The following FAP variants were observed in gnomAD, a reference collection of about 807,000 sequenced individuals.
The protein encoded by FAP is prolyl endopeptidase FAP.
FAP carries 110 observed loss-of-function variants against 126.5 expected under a neutral mutation model. The observed-to-expected ratio is 0.87, with a 90% CI of 0.74 to 1.02. FAP has a LOEUF of 1.02. FAP is among the 50% of genes least tolerant of loss of function. The pLI is 0.00. For synonymous variants in FAP, 334 were observed against 297.3 expected, an observed-to-expected ratio of 1.12 and a Z score of -1.27; for missense variants, 919 against 909.2, an observed-to-expected ratio of 1.01 and a Z score of -0.14.
chr2:162,185,163 T>C (rs1456732471), intron 20 of FAP, among the ~76,000 whole-genome samples: 2 of 152,158 alleles, frequency 1.3e-5, no homozygotes, highest in Non-Finnish European at 2.9e-5. Context: ...CAACAAAATG[T>C]CAGTAACAAA....
chr2:162,202,346 A>G (rs1342692063), intron 14 of FAP, among the ~76,000 whole-genome samples: 2 of 152,270 alleles, frequency 1.3e-5, no homozygotes, highest in African/African-American at 4.8e-5. Context: ...GCTACTAACT[A>G]ACTGTGGCCT....
intron 6 of FAP, chr2:162,221,551 C>A: frequency 2.6e-6 from 1 of 378,536 alleles, no homozygotes; most frequent in Non-Finnish European, 5.2e-6. Context: ...AGACATTCTT[C>A]ACCTGGTTCA....
rs1689608051 is a variant in FAP, at chr2:162,225,522, T to A, written c.246A>T (p.Glu82Asp). 1.2e-6 allele frequency: 2 copies of A among 1,601,154 alleles called. No homozygotes were observed. Among genetic ancestry groups the A allele is most frequent in the African/African-American group, 1.3e-5 (1 of 74,538 alleles). The change falls in exon 4 of 26, where the codon GAA becomes GAT. Residue 82 changes from glutamate to aspartate, a missense_variant. By Grantham distance (45) the Glu-to-Asp change is conservative. Coordinates refer to ENST00000188790, the MANE Select transcript of FAP (RefSeq NM_004460.5). ...TCAAAATGGTATATGATTGTCCTGT[T>A]TCAATATTATAAAGTACTATATTGT... Reference protein sequence around the residue: ...ADNNIVLYNIETGQSYTILSN... With the variant: ...ADNNIVLYNIDTGQSYTILSN...
Position 162,170,999 on chromosome 2 carries a change from A to T in FAP, c.2263T>A (p.Cys755Ser), listed in dbSNP as rs780711228. The T allele has an allele frequency of 6.2e-7, 1 of 1,613,176 alleles. No homozygotes were observed. Among genetic ancestry groups the T allele is most frequent in the Non-Finnish European group, 8.5e-7 (1 of 1,179,296 alleles). The part of the protein sequence containing the change: ...YTHMTHFLKQ[C>S]FSLSD ...CGTTTTTAGTCTGACAAAGAGAAAC[A>T]CTGCTTTAGGAAGTGGGTCATGTGG... Residue 755 changes from cysteine (C) to serine (S), a missense_variant, in exon 26 of 26, where the codon TGT becomes AGT. Coordinates refer to ENST00000188790, the MANE Select transcript of FAP (RefSeq NM_004460.5).
intron 2 of FAP, among the ~76,000 whole-genome samples, chr2:162,229,838 T>C (rs577729937): frequency 2.1e-5 from 3 of 140,634 alleles, no homozygotes; most frequent in East Asian, 1.9e-4. Context: ...ACAATCGATA[T>C]AGAGAACGTA....
intron 6 of FAP, among the ~76,000 whole-genome samples, chr2:162,223,091 C>T (rs1190018824): frequency 6.6e-6 from 1 of 151,950 alleles, no homozygotes; most frequent in African/African-American, 2.4e-5. Context: ...CAACTAAATT[C>T]AAAAGAACAT....
In FAP at chr2:162,210,039, A is replaced by C. The variant is rs374190829; in HGVS notation, c.1003-43T>G. On this transcript the variant is annotated intron_variant, in intron 11 of 25. Transcript: ENST00000188790. Reference sequence around the variant, plus strand: ...ACATCGAACATAGTATTAGGAGAACATTTTTTTCCTAAATGTAATCTGGAC... The same window carrying C: ...ACATCGAACATAGTATTAGGAGAACCTTTTTTTCCTAAATGTAATCTGGAC... The C allele has an allele frequency of 2.6e-6, 4 of 1,563,012 alleles. No individual in the cohort carries two copies. In the African/African-American group the frequency reaches 5.4e-5, roughly 21 times the overall value.
rs1017266612 is a variant in FAP, at chr2:162,217,565, A to G, written c.762+421T>C. Among the ~76,000 whole-genome samples the G allele has an allele frequency of 3.9e-5, 6 of 152,212 alleles. 1 individual carries two copies. The highest frequency in any genetic ancestry group is 4.1e-4 in the South Asian group (2 of 4,834). Reference sequence around the variant, plus strand: ...CTATCTTGTACATCCAGAAAGGACCATAACCCATGCCTGCTTCTACCTGAC... The same window carrying G: ...CTATCTTGTACATCCAGAAAGGACCGTAACCCATGCCTGCTTCTACCTGAC... On this transcript the variant is annotated intron_variant, in intron 9 of 25. Transcript: ENST00000188790.
rs1259111662 is a variant in FAP at position 162,214,009 on chromosome 2, T to C, written c.931A>G (p.Arg311Gly). ...GACAGGACCGAAACATTCTGGACTC[T>C]TTTTAGCCACTGCAAACATACTCGT... ...DERVCLQWLK[R>G]VQNVSVLSIC... The change falls in exon 11 of 26, where the codon AGA becomes GGA. Residue 311 changes from arginine (R) to glycine (G), a missense_variant. Arg to Gly is a moderately radical substitution (Grantham distance 125, BLOSUM62 -2). Transcript: ENST00000188790. 6.2e-7 allele frequency: 1 copy of C among 1,613,996 alleles called. No individual in the cohort carries two copies. Among genetic ancestry groups the C allele is most frequent in the Admixed American group, 1.7e-5 (1 of 60,026 alleles).
chr2:162,198,671 G>T, intron 16 of FAP, 86 bp downstream of exon 16: 2 of 1,454,854 alleles, frequency 1.4e-6, no homozygotes, highest in Non-Finnish European at 1.9e-6. Flanking sequence ...CTCATTAACT[G>T]TAGCTACGAA....
chr2:162,179,853 G>A (rs1221855095), intron 21 of FAP, among the ~76,000 whole-genome samples: 1 of 145,616 alleles, frequency 6.9e-6, no homozygotes, highest in African/African-American at 2.6e-5. Context: ...CTGTTGCCCA[G>A]GCTGGAGTAC....
rs1187693111 is a variant in FAP, at chr2:162,219,191, T to C, written c.487-8A>G. ...GTTTTGATAGACATATGCCTAAAAG[T>C]GGTGGTAAGGGGAAATTCCACAACA... On this transcript the variant is annotated splice_polypyrimidine_tract_variant and splice_region_variant and intron_variant, in intron 7 of 25. Coordinates refer to ENST00000188790, the MANE Select transcript of FAP (RefSeq NM_004460.5). 6.2e-7 allele frequency: 1 copy of C among 1,600,462 alleles called. No individual in the cohort carries two copies. Among genetic ancestry groups the C allele is most frequent in the Non-Finnish European group, 8.5e-7 (1 of 1,173,804 alleles).
rs149829769 is a variant in FAP at position 162,234,350 on chromosome 2, C to A, written c.92-7729G>T. On this transcript the variant is annotated intron_variant, in intron 2 of 25. Transcript: ENST00000188790. ...TTTATGATCCATAAACATGGGATGT[C>A]TTTCCACTTATTTAGATCTTTTTGG... 2.5e-4 allele frequency among the ~76,000 whole-genome samples: 38 copies of A among 152,024 alleles called. 1 individual carries two copies. In the East Asian group the frequency reaches 7.2e-3, roughly 29 times the overall value.
chr2:162,204,099 A>T (rs2106250447), intron 12 of FAP, among the ~76,000 whole-genome samples: 1 of 152,262 alleles, frequency 6.6e-6, no homozygotes, highest in South Asian at 2.1e-4. Flanking sequence ...GTCCCTCCAC[A>T]TGAGAACTGC....
chr2:162,221,702 G>T, intron 6 of FAP: 1 of 456,642 alleles, frequency 2.2e-6, no homozygotes. Context: ...AGCCATCACA[G>T]CTGCCATTTT....
intron 25 of FAP, chr2:162,171,553 GC>G (rs1226534416): frequency 1.3e-5 from 2 of 158,996 alleles, no homozygotes; most frequent in African/African-American, 4.8e-5. Context: ...TTCATATATA[GC>G]CATAAACACC....
intron 17 of FAP, 114 bp from the exon 18 acceptor site, chr2:162,189,868 T>G: frequency 1.6e-6 from 1 of 621,012 alleles, no homozygotes; most frequent in Admixed American, 3.2e-5. Context: ...AAAGCTCGCT[T>G]AAGAAGTGAA....
intron 2 of FAP, 28 bp downstream of exon 2, chr2:162,242,880 G>C (rs1216494170): frequency 6.4e-7 from 1 of 1,564,520 alleles, no homozygotes; most frequent in Admixed American, 1.7e-5. Flanking sequence ...ATTCTAGGCA[G>C]ATAGAGCAAA....
At chr2:162,205,829 C>G (rs1688679075) in intron 12 of FAP, among the ~76,000 whole-genome samples, 1 of 152,054 alleles carries the variant, frequency 6.6e-6, no homozygotes, top group Admixed American at 6.6e-5. Flanking sequence ...CCTTCTTATT[C>G]CTCATTGTGA....
Sources: allele counts gnomAD v4.1 joint callset (sites outside exome capture counted in the v4.1 genomes callset), GRCh38; gene constraint gnomAD v4.1.1; transcripts MANE v1.5; gene names NCBI Gene and HGNC (gene_info 2026-07-23, HGNC 2026-07-21).